The following GALNT17 variants were observed in gnomAD, a reference collection of about 807,000 sequenced individuals.
GALNT17 encodes the protein polypeptide N-acetylgalactosaminyltransferase 17.
In GALNT17, 29 loss-of-function variants were observed where a neutral mutation model predicts 63.7. The observed-to-expected ratio is 0.46, with a 90% CI of 0.34 to 0.62. The LOEUF (loss-of-function observed/expected upper bound fraction) is 0.62, where lower values mean the gene tolerates loss of function less well. GALNT17 is among the 20% of genes least tolerant of loss of function. GALNT17 has a pLI of 0.01. For synonymous variants in GALNT17, 305 were observed against 318.3 expected (o/e 0.96, Z 0.45); for missense variants, 603 against 799.6 (o/e 0.75, Z 2.97).
intron 6 of GALNT17, among the ~76,000 whole-genome samples, chr7:71,638,123 T>A (rs1362997857): frequency 3.3e-5 from 5 of 152,238 alleles, no homozygotes; most frequent in African/African-American, 4.8e-5. Context: ...GCTGTGGCAT[T>A]TGTAAACTGT....
intron 1 of GALNT17, among the ~76,000 whole-genome samples, chr7:71,267,080 C>T (rs142848720): frequency 1.9e-3 from 288 of 152,318 alleles, no homozygotes; most frequent in Admixed American, 4.3e-3. Flanking sequence ...AGCCCATCCC[C>T]GAAGCAACGT....
intron 6 of GALNT17, among the ~76,000 whole-genome samples, chr7:71,579,877 G>A (rs1262998615): frequency 1.3e-5 from 2 of 152,258 alleles, no homozygotes; most frequent in East Asian, 3.9e-4. Context: ...AAGAGAGAGA[G>A]AGGGAGAGAC....
At chr7:71,317,035 A>G (rs1791513060) in intron 1 of GALNT17, among the ~76,000 whole-genome samples, 1 of 152,152 alleles carries the variant, frequency 6.6e-6, no homozygotes, top group Admixed American at 6.6e-5. Context: ...AAATATCCCA[A>G]CTGTTTGTCT....
Position 71,201,239 on chromosome 7 carries a change from T to TATATATATATATATATATATATA in GALNT17, c.238+68199_238+68200insATATATATATATATATATATATA, listed in dbSNP as rs1554338078. 4.1e-3 allele frequency among the ~76,000 whole-genome samples: 421 copies of TATATATATATATATATATATATA among 101,450 alleles called. 12 individuals carry two copies. Among genetic ancestry groups the TATATATATATATATATATATATA allele is most frequent in the African/African-American group, 0.015 (385 of 26,064 alleles). The allele number at this position is 101,450 out of a possible 152,430, so 66.6% of individuals were successfully genotyped here. ...TTTGTATGGGGGTGTGTGTGTTTAT[T>TATATATATATATATATATATATA]TTTATATATATATATATAATTTGTG... On this transcript the variant is annotated intron_variant, in intron 1 of 10. Transcript: ENST00000333538.
intron 1 of GALNT17, among the ~76,000 whole-genome samples, chr7:71,240,209 G>A (rs1361622256): frequency 1.3e-5 from 2 of 152,290 alleles, no homozygotes; most frequent in East Asian, 1.9e-4. Flanking sequence ...GCCGAGACCG[G>A]AGAATTGTCA....
chr7:71,652,578 A>G (rs944529386), intron 6 of GALNT17, among the ~76,000 whole-genome samples: 1 of 152,200 alleles, frequency 6.6e-6, no homozygotes, highest in African/African-American at 2.4e-5. Flanking sequence ...AAATTAAAAT[A>G]TTCTCTTTGC....
intron 3 of GALNT17, among the ~76,000 whole-genome samples, chr7:71,408,631 A>C (rs1223383335): frequency 2.0e-5 from 3 of 152,166 alleles, no homozygotes; most frequent in African/African-American, 7.2e-5. Context: ...TGGGAGGCCA[A>C]AGTGGGGAGC....
intron 5 of GALNT17, among the ~76,000 whole-genome samples, chr7:71,509,537 G>C (rs1449031796): frequency 1.3e-5 from 2 of 152,256 alleles, no homozygotes; most frequent in African/African-American, 4.8e-5. Flanking sequence ...TATCTCTGTT[G>C]TGTAGCTAGG....
intron 9 of GALNT17, among the ~76,000 whole-genome samples, chr7:71,685,946 CTA>C (rs1562736540): frequency 2.3e-3 from 202 of 86,740 alleles, no homozygotes; most frequent in African/African-American, 7.9e-3. Context: ...AAGGCAATTA[CTA>C]TTTTTTTTTT....
intron 5 of GALNT17, among the ~76,000 whole-genome samples, chr7:71,537,093 T>G (rs1338467026): frequency 6.6e-6 from 1 of 152,224 alleles, no homozygotes; most frequent in Non-Finnish European, 1.5e-5. Context: ...TAGTTATCCT[T>G]CAAGGCTCAT....
chr7:71,370,595 A>G (rs111605811), intron 2 of GALNT17, among the ~76,000 whole-genome samples: 6,697 of 151,970 alleles, frequency 0.044, 516 homozygotes, highest in African/African-American at 0.15. Context: ...AGTGATTCTC[A>G]AGCCTGAGCC....
chr7:71,705,663 G>C (rs1791712359), intron 9 of GALNT17, among the ~76,000 whole-genome samples: 2 of 152,118 alleles, frequency 1.3e-5, no homozygotes, highest in African/African-American at 4.8e-5. Context: ...TGGTCAAAAT[G>C]AGGAGACCAC....
chr7:71,535,668 T>G (rs551607208), intron 5 of GALNT17, among the ~76,000 whole-genome samples: 44 of 152,334 alleles, frequency 2.9e-4, no homozygotes, highest in African/African-American at 1.1e-3. Flanking sequence ...GGCCTGATAA[T>G]GACTCTACTT....
chr7:71,629,682 C>T (rs112286225), intron 6 of GALNT17, among the ~76,000 whole-genome samples: 3 of 152,214 alleles, frequency 2.0e-5, no homozygotes, highest in African/African-American at 7.2e-5. Flanking sequence ...GGAGGTCTTG[C>T]TATGCTGCCC....
intron 6 of GALNT17, among the ~76,000 whole-genome samples, chr7:71,600,013 T>TC (rs1301697793): frequency 6.6e-6 from 1 of 151,352 alleles, no homozygotes; most frequent in Non-Finnish European, 1.5e-5. Flanking sequence ...TGGACAAATA[T>TC]CCCCCAGGAG....
At chr7:71,571,542 C>A in intron 6 of GALNT17, 140 bp downstream of exon 6, 1 of 710,086 alleles carries the variant, frequency 1.4e-6, no homozygotes, top group African/African-American at 1.7e-5. Context: ...CTGGGGGATG[C>A]ATGAGCTGCA....
intron 5 of GALNT17, among the ~76,000 whole-genome samples, chr7:71,566,819 A>C (rs1461627081): frequency 1.3e-5 from 2 of 152,128 alleles, no homozygotes; most frequent in Admixed American, 6.5e-5. Context: ...CCTGTAACTT[A>C]GGGGCGGAGA....
At chr7:71,165,878 A>G (rs1788431585) in intron 1 of GALNT17, among the ~76,000 whole-genome samples, 1 of 152,104 alleles carries the variant, frequency 6.6e-6, no homozygotes, top group Admixed American at 6.5e-5. Flanking sequence ...GACTATGTAA[A>G]TAAACCTCCC....
chr7:71,180,683 C>T (rs184608280), intron 1 of GALNT17, among the ~76,000 whole-genome samples: 21 of 152,242 alleles, frequency 1.4e-4, no homozygotes, highest in Non-Finnish European at 2.2e-4. Flanking sequence ...GAGATGGATA[C>T]GCTGTCATCC....
Sources: allele counts gnomAD v4.1 joint callset (sites outside exome capture counted in the v4.1 genomes callset), GRCh38; gene constraint gnomAD v4.1.1; transcripts MANE v1.5; gene names NCBI Gene and HGNC (gene_info 2026-07-23, HGNC 2026-07-21).